DPH6: variants seen among roughly 807,000 people sequenced by gnomAD.
DPH6 encodes diphthamine biosynthesis 6, also known as diphthine--ammonia ligase.
In DPH6, 33 loss-of-function variants were observed where a neutral mutation model predicts 38.2. The ratio of observed to expected loss-of-function variants is 0.86; its 90% CI spans 0.65 to 1.15. The LOEUF is 1.15. Ranked by LOEUF, DPH6 falls within the 50% of genes most tolerant of loss-of-function variation. DPH6 has a pLI of 0.00. For missense variants in DPH6, 325 were observed against 320.0 expected, an observed-to-expected ratio of 1.02 and a Z score of -0.12; for synonymous variants, 108 against 103.0, an observed-to-expected ratio of 1.05 and a Z score of -0.30.
intron 3 of DPH6, among the ~76,000 whole-genome samples, chr15:35,529,550 A>AT (rs1022525171): frequency 1.3e-5 from 2 of 151,984 alleles, no homozygotes; most frequent in Non-Finnish European, 2.9e-5. Context: ...CCCAAATGGG[A>AT]TTTTTTCACC....
At chr15:35,495,479 C>G (rs573578783) in intron 3 of DPH6, among the ~76,000 whole-genome samples, 1 of 152,120 alleles carries the variant, frequency 6.6e-6, no homozygotes, top group African/African-American at 2.4e-5. Context: ...GTAGCCCTAG[C>G]AAATAATACA....
At chr15:35,380,516 T>G (rs766947255) in intron 7 of DPH6, among the ~76,000 whole-genome samples, 1 of 152,232 alleles carries the variant, frequency 6.6e-6, no homozygotes, top group Non-Finnish European at 1.5e-5. Flanking sequence ...AAAGTATTAT[T>G]CTTTGGCATG....
intron 5 of DPH6, among the ~76,000 whole-genome samples, chr15:35,429,806 T>C (rs914809224): frequency 1.3e-5 from 2 of 152,142 alleles, no homozygotes; most frequent in Admixed American, 6.5e-5. Context: ...ATATCTGTAA[T>C]GAAAAAATCT....
intron 3 of DPH6, among the ~76,000 whole-genome samples, chr15:35,305,424 G>A (rs1328566500): frequency 6.6e-6 from 1 of 151,860 alleles, no homozygotes; most frequent in East Asian, 1.9e-4. Context: ...AATCTCGTAT[G>A]TTTTTAGTTC....
intron 3 of DPH6, among the ~76,000 whole-genome samples, chr15:35,535,288 T>C (rs575902138): frequency 1.3e-5 from 2 of 152,256 alleles, no homozygotes; most frequent in South Asian, 4.1e-4. Flanking sequence ...GGAACAATGC[T>C]GTCAATGATC....
intron 5 of DPH6, among the ~76,000 whole-genome samples, chr15:35,416,938 A>T (rs541187424): frequency 6.6e-6 from 1 of 152,186 alleles, no homozygotes; most frequent in East Asian, 1.9e-4. Context: ...GCACCGGGTG[A>T]TATTAGGGAT....
chr15:35,488,376 G>A (rs1467049822), intron 3 of DPH6, among the ~76,000 whole-genome samples: 1 of 152,126 alleles, frequency 6.6e-6, no homozygotes, highest in Non-Finnish European at 1.5e-5. Context: ...ATAAGACATG[G>A]TAATTTATGA....
chr15:35,391,555 C>T (rs2053057680), intron 6 of DPH6, among the ~76,000 whole-genome samples: 1 of 152,184 alleles, frequency 6.6e-6, no homozygotes, highest in Non-Finnish European at 1.5e-5. Context: ...GCGCCCCTCC[C>T]CCAGCCTTGC....
At chr15:35,436,660 T>G (rs2053719698) in intron 5 of DPH6, among the ~76,000 whole-genome samples, 2 of 152,066 alleles carry the variant, frequency 1.3e-5, no homozygotes, top group Admixed American at 6.5e-5. Context: ...ACCTTTTTCT[T>G]TCCTCCACCC....
intron 2 of DPH6, among the ~76,000 whole-genome samples, 156 bp from the exon 3 acceptor site, chr15:35,538,623 A>G (rs143956064): frequency 6.6e-4 from 100 of 152,324 alleles, no homozygotes; most frequent in African/African-American, 2.3e-3. Flanking sequence ...ATAAAAACAT[A>G]AGAATTGCAC....
intron 3 of DPH6, among the ~76,000 whole-genome samples, chr15:35,244,924 A>G (rs1341384614): frequency 6.6e-6 from 1 of 152,160 alleles, no homozygotes; most frequent in African/African-American, 2.4e-5. Context: ...ATGGCTTTGA[A>G]GGCTCCTTCC....
chr15:35,245,860 G>A lies in DPH6; in HGVS notation n.201-25278C>T, dbSNP rs150368162. Among the ~76,000 whole-genome samples, 537 of 152,340 alleles carry A rather than the reference G, an allele frequency of 3.5e-3. 2 individuals carry two copies. Among genetic ancestry groups the A allele is most frequent in the African/African-American group, 0.012 (514 of 41,564 alleles). ...AGGCTTAAGGAATATAATACAGGAT[G>A]TTCTCAAGCAAATGTTGAGTCTGAC... On this transcript the variant is annotated intron_variant and non_coding_transcript_variant, in intron 3 of 3. Transcript: ENST00000560386.
At chr15:35,522,193 G>T (rs757381366) in intron 3 of DPH6, 8 of 1,613,126 alleles carry the variant, frequency 5.0e-6, no homozygotes, top group African/African-American at 2.7e-5. Flanking sequence ...GTAAACAATC[G>T]CCTGGCTGCC....
At chr15:35,202,026 G>A in the DPH6 span, among the ~76,000 whole-genome samples, 4 of 151,832 alleles carry the variant, frequency 2.6e-5, no homozygotes, top group African/African-American at 9.6e-5. Flanking sequence ...CTGAAAATGA[G>A]AATTTGTTTT....
chr15:35,428,720 T>C (rs2053598553), intron 5 of DPH6, among the ~76,000 whole-genome samples: 1 of 152,122 alleles, frequency 6.6e-6, no homozygotes, highest in South Asian at 2.1e-4. Context: ...TGAATTGCTA[T>C]AAAAATCCTC....
chr15:35,226,527 G>C (rs2051482896), intron 3 of DPH6, among the ~76,000 whole-genome samples: 1 of 152,130 alleles, frequency 6.6e-6, no homozygotes, highest in Non-Finnish European at 1.5e-5. Flanking sequence ...CATCAAAATG[G>C]TCTCATGTTT....
At chr15:35,312,926 C>T (rs1235473388) in intron 3 of DPH6, among the ~76,000 whole-genome samples, 4 of 152,046 alleles carry the variant, frequency 2.6e-5, no homozygotes, top group South Asian at 4.2e-4. Context: ...ACTACAGCTT[C>T]GTAGTAAATT....
At chr15:35,325,499 T>G (rs1037078271) in intron 3 of DPH6, among the ~76,000 whole-genome samples, 1 of 152,156 alleles carries the variant, frequency 6.6e-6, no homozygotes, top group Admixed American at 6.5e-5. Context: ...ACATCCACAG[T>G]GCTGATTCCA....
intron 3 of DPH6, among the ~76,000 whole-genome samples, chr15:35,222,796 C>T (rs2051451457): frequency 6.6e-6 from 1 of 152,144 alleles, no homozygotes; most frequent in Admixed American, 6.5e-5. Context: ...GATAAACTAT[C>T]AATTTACATT....
Sources: gnomAD v4.1 joint callset for allele counts (sites outside exome capture counted in the v4.1 genomes callset) on GRCh38, gnomAD v4.1.1 for gene constraint, MANE v1.5 for transcripts, NCBI Gene and HGNC (gene_info 2026-07-23, HGNC 2026-07-21) for gene names.